The following JARID2 variants were observed in gnomAD, a reference collection of about 807,000 sequenced individuals.
JARID2 encodes the protein protein Jumonji.
Under a neutral mutation model 125.6 loss-of-function variants are expected in JARID2, and 21 were observed. The ratio of observed to expected loss-of-function variants is 0.17; its 90% confidence interval spans 0.12 to 0.24. The LOEUF is 0.24. Among genes scored for constraint, JARID2 ranks in the 10% least tolerant of loss-of-function variants. The pLI is 1.00. For synonymous variants in JARID2, 736 were observed against 661.6 expected (o/e 1.11, Z -1.73); for missense variants, 1,303 against 1,639.6 (o/e 0.79, Z 3.55).
intron 3 of JARID2, among the ~76,000 whole-genome samples, chr6:15,424,237 G>A (rs748984610): frequency 5.9e-5 from 9 of 151,450 alleles, no homozygotes; most frequent in Non-Finnish European, 1.3e-4. Context: ...CAAATTTCTG[G>A]AATTACAGTC....
At position 15,306,627 on chromosome 6, in the gene JARID2, C is replaced by T. The variant is rs190095381; in HGVS notation, c.45+60043C>T. On this transcript the variant is annotated intron_variant, in intron 1 of 17. Transcript: ENST00000341776. ...TACTGGGATTACAGGCGTGAGTCAC[C>T]GTGCCTGGCCCAACACAGTCACATT... Among the ~76,000 whole-genome samples the T allele has an allele frequency of 4.5e-3, 687 of 151,954 alleles. 2 individuals carry two copies. Among genetic ancestry groups the T allele is most frequent in the Middle Eastern group, 0.024 (7 of 294 alleles).
chr6:15,425,615 C>G (rs1219227910), intron 3 of JARID2, among the ~76,000 whole-genome samples: 1 of 152,186 alleles, frequency 6.6e-6, no homozygotes, highest in Non-Finnish European at 1.5e-5. Flanking sequence ...CCTTTTGTCT[C>G]TCTTGCCATA....
chr6:15,252,100 G>C (rs976295925), intron 1 of JARID2, among the ~76,000 whole-genome samples: 6 of 152,302 alleles, frequency 3.9e-5, no homozygotes, highest in African/African-American at 1.4e-4. Context: ...TGAAAGGACT[G>C]TCCACACACA....
chr6:15,384,102 T>TA (rs1309221626), intron 2 of JARID2, among the ~76,000 whole-genome samples: 1 of 152,182 alleles, frequency 6.6e-6, no homozygotes, highest in Non-Finnish European at 1.5e-5. Flanking sequence ...CCTATTTTTT[T>TA]ATTTTTATTT....
chr6:15,363,978 T>G (rs1252318246), intron 1 of JARID2, among the ~76,000 whole-genome samples: 1 of 152,186 alleles, frequency 6.6e-6, no homozygotes, highest in Non-Finnish European at 1.5e-5. Flanking sequence ...AGAGTTTATT[T>G]GTAGACTTTC....
intron 8 of JARID2, among the ~76,000 whole-genome samples, chr6:15,503,227 T>G (rs1157495382): frequency 6.6e-6 from 1 of 152,236 alleles, no homozygotes; most frequent in South Asian, 2.1e-4. Flanking sequence ...TTTGGTCTGC[T>G]GGTGTCATCC....
At position 15,440,769 on chromosome 6, in the gene JARID2, TCAAA is replaced by T. The variant is rs756545171; in HGVS notation, c.324-11234_324-11231del. Among the ~76,000 whole-genome samples, 6 of 152,226 alleles carry T rather than the reference TCAAA, an allele frequency of 3.9e-5. No individual in the cohort carries two copies. The East Asian group carries it at 9.6e-4, about 24-fold the overall frequency. ...TGCCGTTGTTTCAGCATCAGAGAGCTCAAACAGTCAGAAGGTGGAGGAGAATTAG... is the reference window on the plus strand; with the variant it reads ...TGCCGTTGTTTCAGCATCAGAGAGCTCAGTCAGAAGGTGGAGGAGAATTAG... On this transcript the variant is annotated intron_variant, in intron 3 of 17. Coordinates refer to ENST00000341776, the MANE Select transcript of JARID2 (RefSeq NM_004973.4).
chr6:15,482,746 G>C lies in JARID2; in HGVS notation c.671-4561G>C, dbSNP rs1444519584. Reference sequence around the variant, plus strand: ...GATAGGATAGTAGGCTCTACTGGTAGTTTCCTACAGGTCAGTTGCTCTGGG... The same window carrying C: ...GATAGGATAGTAGGCTCTACTGGTACTTTCCTACAGGTCAGTTGCTCTGGG... On this transcript the variant is annotated intron_variant, in intron 5 of 17. Transcript: ENST00000341776. Among the ~76,000 whole-genome samples the C allele has an allele frequency of 2.0e-5, 3 of 152,326 alleles. No individual in the cohort carries two copies. In the East Asian group the frequency reaches 5.8e-4, roughly 29 times the overall value.
intron 1 of JARID2, chr6:15,368,833 A>C: frequency 2.3e-6 from 1 of 428,708 alleles, no homozygotes; most frequent in Non-Finnish European, 4.7e-6. Flanking sequence ...TTTCTGATGT[A>C]TATAGGCACA....
In JARID2 at chr6:15,287,442, A is replaced by T. The variant is rs1333796450; in HGVS notation, c.45+40858A>T. On this transcript the variant is annotated intron_variant, in intron 1 of 17. Transcript: ENST00000341776. ...TAATTATTGTAATTTTAAAATAATG[A>T]TGTTATTTCAAGATAATCTGCAACC... Among the ~76,000 whole-genome samples, 8 of 152,342 alleles carry T rather than the reference A, an allele frequency of 5.3e-5. No homozygotes were observed. The East Asian group carries it at 1.4e-3, about 26-fold the overall frequency.
intron 1 of JARID2, among the ~76,000 whole-genome samples, chr6:15,334,532 A>G (rs1375356859): frequency 2.6e-5 from 4 of 152,108 alleles, no homozygotes; most frequent in Admixed American, 2.0e-4. Context: ...TCTGGATTTG[A>G]CATAATTTTT....
rs554407727 is a variant in JARID2 at position 15,304,850 on chromosome 6, A to G, written c.45+58266A>G. Among the ~76,000 whole-genome samples the G allele has an allele frequency of 5.3e-5, 8 of 152,242 alleles. No individual in the cohort carries two copies. The East Asian group carries it at 1.4e-3, about 26-fold the overall frequency. On this transcript the variant is annotated intron_variant, in intron 1 of 17. Coordinates refer to ENST00000341776, the MANE Select transcript of JARID2 (RefSeq NM_004973.4). ...TGGCAGGGGGCACCATCAGGTTGCA[A>G]GGTTGAGGTGGTGCATCTTATCTGC...
intron 1 of JARID2, among the ~76,000 whole-genome samples, chr6:15,353,087 C>T (rs1230279714): frequency 6.6e-6 from 1 of 152,158 alleles, no homozygotes; most frequent in Non-Finnish European, 1.5e-5. Context: ...TTCTGGGTCA[C>T]ATGGCAACTG....
At chr6:15,414,039 T>C (rs1208888726) in intron 3 of JARID2, among the ~76,000 whole-genome samples, 3 of 152,196 alleles carry the variant, frequency 2.0e-5, no homozygotes, top group Admixed American at 6.5e-5. Flanking sequence ...CTTGTAGATT[T>C]AATTACTCCT....
intron 1 of JARID2, among the ~76,000 whole-genome samples, chr6:15,357,946 TTTTG>T (rs923687389): frequency 3.3e-5 from 5 of 152,222 alleles, no homozygotes; most frequent in Non-Finnish European, 5.9e-5. Flanking sequence ...GTCCATGTAA[TTTTG>T]TTTATGATGT....
chr6:15,349,691 C>G (rs947007399), intron 1 of JARID2, among the ~76,000 whole-genome samples: 1 of 152,106 alleles, frequency 6.6e-6, no homozygotes, highest in Non-Finnish European at 1.5e-5. Flanking sequence ...CACCGAGCTT[C>G]CCAGTTCCTC....
chr6:15,439,324 C>T lies in JARID2; in HGVS notation c.324-12682C>T, dbSNP rs570690643. The stretch of plus-strand genomic sequence containing the variant: ...TCTCTATCCTCCTCCTGTACTTGCA[C>T]CCCTGCTGTTATGTTTTATTAGGAT... On this transcript the variant is annotated intron_variant, in intron 3 of 17. Coordinates refer to ENST00000341776, the MANE Select transcript of JARID2 (RefSeq NM_004973.4). Among the ~76,000 whole-genome samples, 17 of 152,266 alleles carry T rather than the reference C, an allele frequency of 1.1e-4. No individual in the cohort carries two copies. The East Asian group carries it at 3.1e-3, about 28-fold the overall frequency.
chr6:15,293,689 C>T (rs986331791), intron 1 of JARID2, among the ~76,000 whole-genome samples: 2 of 152,204 alleles, frequency 1.3e-5, no homozygotes, highest in Admixed American at 1.3e-4. Flanking sequence ...CTGGATGCTT[C>T]CTTACCAGAA....
intron 1 of JARID2, among the ~76,000 whole-genome samples, chr6:15,310,467 C>G (rs1328000904): frequency 6.6e-6 from 1 of 152,138 alleles, no homozygotes; most frequent in East Asian, 1.9e-4. Context: ...TAGGAAAATG[C>G]GAGCTGAATT....
Sources: gnomAD v4.1 joint callset for allele counts (sites outside exome capture counted in the v4.1 genomes callset) on GRCh38, gnomAD v4.1.1 for gene constraint, MANE v1.5 for transcripts, NCBI Gene and HGNC (gene_info 2026-07-23, HGNC 2026-07-21) for gene names.